The following ZNF804B variants were observed in gnomAD, a reference collection of about 807,000 sequenced individuals.
ZNF804B encodes the protein zinc finger protein 804B, also known as zinc finger 804B.
In ZNF804B, 80 loss-of-function variants were observed where a neutral mutation model predicts 101.4. That is an observed-to-expected ratio of 0.79 (90% CI 0.66 to 0.95). The LOEUF (loss-of-function observed/expected upper bound fraction) is 0.95. Ranked by LOEUF, ZNF804B falls within the 40% of genes least tolerant of loss-of-function variation. ZNF804B has a pLI of 0.00. For synonymous variants in ZNF804B, 622 were observed against 558.8 expected, an observed-to-expected ratio of 1.11 and a Z score of -1.59; for missense variants, 1,673 against 1,561.9, an observed-to-expected ratio of 1.07 and a Z score of -1.20.
chr7:88,854,932 A>G (rs1408311714), intron 1 of ZNF804B, among the ~76,000 whole-genome samples: 1 of 151,402 alleles, frequency 6.6e-6, no homozygotes, highest in Non-Finnish European at 1.5e-5. Flanking sequence ...AAGGACATGA[A>G]CTCATCATTT....
intron 1 of ZNF804B, among the ~76,000 whole-genome samples, chr7:89,089,934 G>A (rs1162622498): frequency 1.3e-5 from 2 of 151,996 alleles, no homozygotes; most frequent in Non-Finnish European, 2.9e-5. Flanking sequence ...AGATCTATGT[G>A]TTTGAATTGT....
At chr7:89,181,633 A>G (rs538663072) in intron 1 of ZNF804B, among the ~76,000 whole-genome samples, 4 of 152,042 alleles carry the variant, frequency 2.6e-5, no homozygotes, top group African/African-American at 9.6e-5. Flanking sequence ...CCTTGATATC[A>G]TGTTAAAACC....
At chr7:89,137,608 G>C (rs1478353993) in intron 1 of ZNF804B, among the ~76,000 whole-genome samples, 8 of 152,082 alleles carry the variant, frequency 5.3e-5, no homozygotes, top group Admixed American at 5.2e-4. Flanking sequence ...GAGGTGACTT[G>C]GGTGCTGTTA....
intron 2 of ZNF804B, among the ~76,000 whole-genome samples, chr7:89,290,101 C>T (rs1022594800): frequency 6.6e-6 from 1 of 151,620 alleles, no homozygotes; most frequent in Admixed American, 6.6e-5. Context: ...CATTTCTAGA[C>T]ATACCCTAGG....
chr7:88,956,473 AAC>A (rs1353832166), intron 1 of ZNF804B, among the ~76,000 whole-genome samples: 4 of 151,640 alleles, frequency 2.6e-5, no homozygotes, highest in African/African-American at 9.6e-5. Context: ...TAAAATTAAT[AAC>A]ATAGCAATAA....
At chr7:89,012,169 C>G (rs1170565813) in intron 1 of ZNF804B, among the ~76,000 whole-genome samples, 1 of 152,114 alleles carries the variant, frequency 6.6e-6, no homozygotes, top group Non-Finnish European at 1.5e-5. Flanking sequence ...ACCCTTCTAG[C>G]CATGGCTGGG....
At chr7:89,269,368 C>T (rs57694246) in intron 2 of ZNF804B, among the ~76,000 whole-genome samples, 1 of 152,016 alleles carries the variant, frequency 6.6e-6, no homozygotes, top group Non-Finnish European at 1.5e-5. Context: ...CCAGCTTCAT[C>T]CATGTCCCTA....
At chr7:89,219,609 C>G (rs1341080564) in intron 2 of ZNF804B, among the ~76,000 whole-genome samples, 3 of 151,442 alleles carry the variant, frequency 2.0e-5, no homozygotes, top group Non-Finnish European at 4.4e-5. Context: ...TATGGCGATA[C>G]TGGCAATTTA....
At chr7:88,999,449 G>A (rs997504565) in intron 1 of ZNF804B, among the ~76,000 whole-genome samples, 3 of 151,882 alleles carry the variant, frequency 2.0e-5, no homozygotes, top group Admixed American at 2.0e-4. Context: ...AAAGAGAAAA[G>A]TATGAACAAG....
chr7:89,083,595 T>A (rs56272003), intron 1 of ZNF804B, among the ~76,000 whole-genome samples: 3,463 of 151,944 alleles, frequency 0.023, 158 homozygotes, highest in African/African-American at 0.079. Context: ...TAATACTTAC[T>A]CATACTCAAG....
At chr7:89,292,788 T>C (rs551002114) in intron 2 of ZNF804B, among the ~76,000 whole-genome samples, 1 of 152,086 alleles carries the variant, frequency 6.6e-6, no homozygotes, top group Non-Finnish European at 1.5e-5. Flanking sequence ...GGATGAAAGG[T>C]CAACATAATA....
At chr7:88,881,606 A>G (rs1471941273) in intron 1 of ZNF804B, among the ~76,000 whole-genome samples, 1 of 152,216 alleles carries the variant, frequency 6.6e-6, no homozygotes, top group Non-Finnish European at 1.5e-5. Context: ...GGCTTAGGCT[A>G]CAGATTCTTT....
At chr7:89,034,866 A>G (rs10952945) in intron 1 of ZNF804B, among the ~76,000 whole-genome samples, 67,294 of 151,974 alleles carry the variant, frequency 0.44, 15,696 homozygotes, top group Non-Finnish European at 0.52. Flanking sequence ...CACTCCCACC[A>G]AAAGTGTAAA....
At chr7:89,310,846 G>C (rs1790641144) in intron 2 of ZNF804B, among the ~76,000 whole-genome samples, 1 of 152,226 alleles carries the variant, frequency 6.6e-6, no homozygotes, top group Non-Finnish European at 1.5e-5. Flanking sequence ...TGACCATGAA[G>C]GAGCTGCACA....
At chr7:88,858,415 G>C (rs1791602749) in intron 1 of ZNF804B, among the ~76,000 whole-genome samples, 1 of 152,200 alleles carries the variant, frequency 6.6e-6, no homozygotes, top group African/African-American at 2.4e-5. Flanking sequence ...AGGGTAGTTA[G>C]AGATGGGGTG....
chr7:88,946,043 T>C (rs1381766961), intron 1 of ZNF804B, among the ~76,000 whole-genome samples: 2 of 152,014 alleles, frequency 1.3e-5, no homozygotes, highest in Non-Finnish European at 2.9e-5. Flanking sequence ...AAACAGAGAC[T>C]ATTTGACTTC....
intron 1 of ZNF804B, among the ~76,000 whole-genome samples, chr7:89,195,058 C>A: frequency 6.6e-6 from 1 of 151,478 alleles, no homozygotes; most frequent in Non-Finnish European, 1.5e-5. Context: ...TAAATGTAAT[C>A]CAGCATATAA....
chr7:89,047,492 G>T (rs1049079350), intron 1 of ZNF804B, among the ~76,000 whole-genome samples: 3 of 152,122 alleles, frequency 2.0e-5, no homozygotes, highest in Non-Finnish European at 4.4e-5. Flanking sequence ...AGCCTTCAGG[G>T]TTGCCATTCT....
chr7:88,901,652 AAG>A (rs1357952892), intron 1 of ZNF804B, among the ~76,000 whole-genome samples: 3 of 151,692 alleles, frequency 2.0e-5, no homozygotes, highest in African/African-American at 7.2e-5. Context: ...GAGAGAGAGA[AAG>A]AGAGAAAAAA....
Sources: allele counts gnomAD v4.1 joint callset (sites outside exome capture counted in the v4.1 genomes callset), GRCh38; gene constraint gnomAD v4.1.1; transcripts MANE v1.5; gene names NCBI Gene and HGNC (gene_info 2026-07-23, HGNC 2026-07-21).